The following SAMD10 variants were observed in gnomAD, a reference collection of about 807,000 sequenced individuals.
SAMD10 encodes the protein sterile alpha motif domain containing 10.
In SAMD10, 16 loss-of-function variants were observed where a neutral mutation model predicts 22.5. The observed-to-expected ratio is 0.71, with a 90% CI of 0.48 to 1.08. SAMD10 has a LOEUF of 1.08. Among genes scored for constraint, SAMD10 ranks in the 50% least tolerant of loss-of-function variants. SAMD10 has a pLI of 0.00. For missense variants in SAMD10, 227 were observed against 281.3 expected (o/e 0.81, Z 1.38); for synonymous variants, 118 against 122.2 (o/e 0.97, Z 0.23).
chr20:63,975,302 C>A lies in SAMD10; in HGVS notation c.*208G>T. ...GAGGTGGGGCCACACTCAAGCAGCC[C>A]CCTACCCACCCAGCCCCAGGGCACG... On this transcript the variant is annotated 3_prime_UTR_variant, in exon 5 of 5. Coordinates refer to ENST00000369886, the MANE Select transcript of SAMD10 (RefSeq NM_080621.5). 2.2e-5 allele frequency: 13 copies of A among 586,716 alleles called. No individual in the cohort carries two copies. In the South Asian group the frequency reaches 2.8e-4, roughly 12 times the overall value. 36.3% of individuals were successfully genotyped at this position (586,716 alleles called of 1,614,324 possible). A position where few individuals can be genotyped will look rare whatever the true frequency, so the allele number is the denominator to read the frequency against.
chr20:63,977,480 C>G lies in SAMD10; in HGVS notation c.92-74G>C. 6.9e-7 allele frequency: 1 copy of G among 1,450,318 alleles called. No individual in the cohort carries two copies. The highest frequency in any genetic ancestry group is 9.5e-7 in the Non-Finnish European group (1 of 1,052,434). 89.8% of individuals were successfully genotyped at this position (1,450,318 alleles called of 1,614,324 possible). On this transcript the variant is annotated intron_variant, in intron 1 of 4. Transcript: ENST00000369886. This position sits in a 1 kb window ranked among gnomAD's most constrained non-coding sequence, Gnocchi z 5.4. Reference sequence around the variant, plus strand: ...CTTCCTCTACTTGAGAGCTAGCTCCCTGCCCCATCTCCTCCACACTAGTGC... The same window carrying G: ...CTTCCTCTACTTGAGAGCTAGCTCCGTGCCCCATCTCCTCCACACTAGTGC...
Position 63,975,160 on chromosome 20 carries a change from T to C in SAMD10, c.*350A>G, listed in dbSNP as rs1232583027. 2 of 351,590 alleles carry C rather than the reference T, an allele frequency of 5.7e-6. No homozygotes were observed. The highest frequency in any genetic ancestry group is 1.0e-5 in the Non-Finnish European group (2 of 192,152). The allele number at this position is 351,590 out of a possible 1,614,324, so 21.8% of individuals were successfully genotyped here. On this transcript the variant is annotated 3_prime_UTR_variant, in exon 5 of 5. Coordinates refer to ENST00000369886, the MANE Select transcript of SAMD10 (RefSeq NM_080621.5). The stretch of plus-strand genomic sequence containing the variant: ...GACCGACATCACGTGGAGAGGGGAA[T>C]GTAAATAAACAGACTCCCTGGGAGT...
At position 63,974,680 on chromosome 20, in the gene SAMD10, GAAGGCCCACGCAC is replaced by G. The variant is rs1290123048; in HGVS notation, c.*817_*829del. On this transcript the variant is annotated 3_prime_UTR_variant, in exon 5 of 5. Transcript: ENST00000369886. Reference sequence around the variant, plus strand: ...GGCCTTCTTGGGAAAGCAGCAATGGGAAGGCCCACGCACAAGGCCCTTGTTCTTGAGGGCGAGG... The same window carrying G: ...GGCCTTCTTGGGAAAGCAGCAATGGGAAGGCCCTTGTTCTTGAGGGCGAGG... The G allele has an allele frequency of 1.3e-5, 2 of 151,700 alleles. No individual in the cohort carries two copies. The highest frequency in any genetic ancestry group is 4.9e-5 in the African/African-American group (2 of 41,058). The allele number at this position is 151,700 out of a possible 1,614,324, so 9.4% of individuals were successfully genotyped here. A position where few individuals can be genotyped will look rare whatever the true frequency, so the allele number is the denominator to read the frequency against.
At position 63,979,302 on chromosome 20, in the gene SAMD10, G is replaced by GC; in HGVS notation, c.91+74dup. 2.3e-6 allele frequency: 2 copies of GC among 883,626 alleles called. No homozygotes were observed. The highest frequency in any genetic ancestry group is 3.0e-6 in the Non-Finnish European group (2 of 657,056). The allele number at this position is 883,626 out of a possible 1,614,324, so 54.7% of individuals were successfully genotyped here. On this transcript the variant is annotated intron_variant, in intron 1 of 4. Transcript: ENST00000369886. This position sits in a 1 kb window ranked among gnomAD's most constrained non-coding sequence, Gnocchi z 7.7. ...CGCCGCTCGAAGCCCGCCGGGTCCC[G>GC]CCCCGCCCCCGTGCCTCTGGGTCCC...
chr20:63,976,166 CCTT>C (rs1569205833), intron 3 of SAMD10, among the ~76,000 whole-genome samples: 1 of 148,192 alleles, frequency 6.7e-6, no homozygotes, highest in East Asian at 1.9e-4. Context: ...GAGCGAGACT[CCTT>C]CTCAGAAACA....
chr20:63,978,317 A>G (rs817348), intron 1 of SAMD10: 251,748 of 1,298,810 alleles, frequency 0.19, 27,614 homozygotes, highest in African/African-American at 0.45. Context: ...TTGTCAATGA[A>G]TGAATGAATG....
Position 63,977,841 on chromosome 20 carries a change from G to A in SAMD10, c.92-435C>T, listed in dbSNP as rs184603467. Among the ~76,000 whole-genome samples, 26 of 152,362 alleles carry A rather than the reference G, an allele frequency of 1.7e-4. No homozygotes were observed. The East Asian group carries it at 4.8e-3, about 28-fold the overall frequency. ...TGCTTTGAGGAAAGGCAGATCCCGA[G>A]TCCGGGGAGGTCGTCTGTGCTGGGG... is the stretch of plus-strand genomic sequence containing the variant. On this transcript the variant is annotated intron_variant, in intron 1 of 4. Coordinates refer to ENST00000369886, the MANE Select transcript of SAMD10 (RefSeq NM_080621.5). The surrounding 1 kb of genome is among the most constrained non-coding windows in gnomAD (Gnocchi z 5.4).
At chr20:63,976,914 A>C in intron 3 of SAMD10, 57 bp downstream of exon 3, 218 of 1,556,762 alleles carry the variant, frequency 1.4e-4, no homozygotes, top group Non-Finnish European at 1.8e-4. Context: ...AGTGTGGGGA[A>C]GAGACGCTCT....
At chr20:63,978,490 C>A in intron 1 of SAMD10, 1 of 352,910 alleles carries the variant, frequency 2.8e-6, no homozygotes, top group Middle Eastern at 1.1e-3. Context: ...GAGTGAGAGA[C>A]CCTCCCGGCC....
rs550724477 is a variant in SAMD10 at position 63,977,323 on chromosome 20, G to A, written c.175C>T (p.Pro59Ser). The change falls in exon 2 of 5, where the codon CCT (proline) becomes TCT (serine). Residue 59 changes from proline to serine, a missense_variant. Transcript: ENST00000369886. This position sits in a 1 kb window ranked among gnomAD's most constrained non-coding sequence, Gnocchi z 5.4. ...ESIPCHLPRT[P>S]GTSLTWHDSR... ...TCATGCCACGTGAGGCTGGTGCCAGGTGTCCGAGGCAAGTGGCAGGGGATG... is the reference window on the plus strand; with the variant it reads ...TCATGCCACGTGAGGCTGGTGCCAGATGTCCGAGGCAAGTGGCAGGGGATG... The A allele has an allele frequency of 7.4e-6, 12 of 1,613,538 alleles. No individual in the cohort carries two copies. The East Asian group carries it at 2.5e-4, about 33-fold the overall frequency.
At position 63,977,426 on chromosome 20, in the gene SAMD10, G is replaced by A; in HGVS notation, c.92-20C>T. ...CAGTGGCTGTGTGTGGGGGTGCCTG[G>A]TCAGGGCAGTCAAGGGCAGAACCAG... On this transcript the variant is annotated intron_variant, in intron 1 of 4. Coordinates refer to ENST00000369886, the MANE Select transcript of SAMD10 (RefSeq NM_080621.5). This position sits in a 1 kb window ranked among gnomAD's most constrained non-coding sequence, Gnocchi z 5.4. 1 of 1,610,302 alleles carries A rather than the reference G, an allele frequency of 6.2e-7. No individual in the cohort carries two copies.
Position 63,977,083 on chromosome 20 carries a change from C to G in SAMD10, c.333G>C (p.Leu111=), listed in dbSNP as rs1265999529. Residue 111 remains leucine (L), a synonymous_variant, in exon 3 of 5, where the codon CTG becomes CTC. Transcript: ENST00000369886. This position sits in a 1 kb window ranked among gnomAD's most constrained non-coding sequence, Gnocchi z 5.4. ...LYHTSPSLGG[L]TRPVVLWSQQ... is the part of the protein sequence containing the mutation. ...GACTCCACAGGACCACGGGCCGGGT[C>G]AGGCCACCCAGCGAGGGGCTTGTAT... 6.2e-7 allele frequency: 1 copy of G among 1,614,108 alleles called. No homozygotes were observed. The highest frequency in any genetic ancestry group is 8.5e-7 in the Non-Finnish European group (1 of 1,180,036).
chr20:63,977,641 C>T lies in SAMD10; in HGVS notation c.92-235G>A, dbSNP rs2059034546. Among the ~76,000 whole-genome samples the T allele has an allele frequency of 6.6e-6, 1 of 152,242 alleles. No individual in the cohort carries two copies. The highest frequency in any genetic ancestry group is 6.5e-5 in the Admixed American group (1 of 15,284). On this transcript the variant is annotated intron_variant, in intron 1 of 4. Transcript: ENST00000369886. This position sits in a 1 kb window ranked among gnomAD's most constrained non-coding sequence, Gnocchi z 5.4. ...CCTTTCATCTTGCAAGTCTACAGCC[C>T]TCACCCAGGGGAGCAGGATGGATTC...
Position 63,979,517 on chromosome 20 carries a change from G to A in SAMD10, c.-50C>T, listed in dbSNP as rs1431793882. 8.8e-7 allele frequency: 1 copy of A among 1,131,236 alleles called. No homozygotes were observed. The highest frequency in any genetic ancestry group is 1.1e-6 in the Non-Finnish European group (1 of 924,018). The allele number at this position is 1,131,236 out of a possible 1,614,324, so 70.1% of individuals were successfully genotyped here. A position where few individuals can be genotyped will look rare whatever the true frequency, so the allele number is the denominator to read the frequency against. ...GCACACGCCCCTCGCCGAGTGCAGG[G>A]CGGCCGGTGTGGCCGGCGGGGAACG... is the stretch of plus-strand genomic sequence containing the variant. On this transcript the variant is annotated 5_prime_UTR_variant, in exon 1 of 5. Coordinates refer to ENST00000369886, the MANE Select transcript of SAMD10 (RefSeq NM_080621.5). The surrounding 1 kb of genome is among the most constrained non-coding windows in gnomAD (Gnocchi z 7.7).
rs763316199 is a variant in SAMD10 at position 63,975,785 on chromosome 20, G to A, written c.493C>T (p.Leu165=). 6.2e-7 allele frequency: 1 copy of A among 1,604,112 alleles called. No individual in the cohort carries two copies. Among genetic ancestry groups the A allele is most frequent in the East Asian group, 2.2e-5 (1 of 44,744 alleles). ...TCCTGCCTCTGGGCCTCCTGGGCCA[G>A]CCCCATCCGCTGCAGCTTCTCCGCA... The part of the protein sequence containing the change: ...LNAEKLQRMG[L]AQEAQRQEVL... Residue 165 remains leucine (L), a synonymous_variant, in exon 4 of 5, where the codon CTG becomes TTG. Coordinates refer to ENST00000369886, the MANE Select transcript of SAMD10 (RefSeq NM_080621.5).
Position 63,974,403 on chromosome 20 carries a change from A to C in SAMD10, c.*1107T>G, listed in dbSNP as rs2122920785. On this transcript the variant is annotated 3_prime_UTR_variant, in exon 5 of 5. Transcript: ENST00000369886. ...CAAATTCCACCTGGGACCTGCAGTGACCAGCCTCGAGTCTGGAGGCTCAAA... is the reference window on the plus strand; with the variant it reads ...CAAATTCCACCTGGGACCTGCAGTGCCCAGCCTCGAGTCTGGAGGCTCAAA... The C allele has an allele frequency of 6.5e-6, 1 of 152,796 alleles. No homozygotes were observed. The highest frequency in any genetic ancestry group is 2.4e-5 in the African/African-American group (1 of 41,562). 9.5% of individuals were successfully genotyped at this position (152,796 alleles called of 1,614,324 possible).
chr20:63,974,629 C>G lies in SAMD10; in HGVS notation c.*881G>C, dbSNP rs1350301639. 1 of 152,388 alleles carries G rather than the reference C, an allele frequency of 6.6e-6. No homozygotes were observed. Among genetic ancestry groups the G allele is most frequent in the African/African-American group, 2.4e-5 (1 of 41,464 alleles). 9.4% of individuals were successfully genotyped at this position (152,388 alleles called of 1,614,324 possible). ...CTGGGAGGGTGTAAGGGGAGTGGCC[C>G]TGGGAAGGCCTCTCCCCTGAATCCA... On this transcript the variant is annotated 3_prime_UTR_variant, in exon 5 of 5. Transcript: ENST00000369886.
rs975829523 is a variant in SAMD10 at position 63,977,957 on chromosome 20, A to G, written c.92-551T>C. On this transcript the variant is annotated intron_variant, in intron 1 of 4. Coordinates refer to ENST00000369886, the MANE Select transcript of SAMD10 (RefSeq NM_080621.5). This position sits in a 1 kb window ranked among gnomAD's most constrained non-coding sequence, Gnocchi z 5.4. The stretch of plus-strand genomic sequence containing the variant: ...GGTGTTGGGGCCCGACTCACTGACT[A>G]TGACTCATTGACAGCCTGAACTGTG... Among the ~76,000 whole-genome samples, 21 of 152,224 alleles carry G rather than the reference A, an allele frequency of 1.4e-4. No individual in the cohort carries two copies. Among genetic ancestry groups the G allele is most frequent in the African/African-American group, 4.6e-4 (19 of 41,468 alleles).
chr20:63,975,481 TGG>T lies in SAMD10; in HGVS notation c.*27_*28del. On this transcript the variant is annotated 3_prime_UTR_variant, in exon 5 of 5. Coordinates refer to ENST00000369886, the MANE Select transcript of SAMD10 (RefSeq NM_080621.5). ...TAGCCGTGGACTCCCATCACAGTGC[TGG>T]GGTCTGGGTTCAAGCCTCAGCAGCA... 1 of 1,612,396 alleles carries T rather than the reference TGG, an allele frequency of 6.2e-7. No individual in the cohort carries two copies. The highest frequency in any genetic ancestry group is 1.1e-5 in the South Asian group (1 of 90,970).
Sources: gnomAD v4.1 joint callset for allele counts (sites outside exome capture counted in the v4.1 genomes callset) on GRCh38, gnomAD v4.1.1 for gene constraint, Gnocchi (gnomAD v3.1) non-coding constraint, MANE v1.5 for transcripts, NCBI Gene and HGNC (gene_info 2026-07-23, HGNC 2026-07-21) for gene names.